FGFR2: variants seen among roughly 807,000 people sequenced by gnomAD.
FGFR2 encodes BEK fibroblast growth factor receptor.
A neutral mutation model predicts 95.9 loss-of-function variants in FGFR2; 19 were observed. The observed-to-expected ratio is 0.20, with a 90% CI of 0.14 to 0.29. The LOEUF is 0.29. Ranked by LOEUF, FGFR2 falls within the 10% of genes least tolerant of loss-of-function variation. The pLI is 1.00. For synonymous variants in FGFR2, 392 were observed against 393.3 expected, an observed-to-expected ratio of 1.00 and a Z score of 0.04; for missense variants, 707 against 1,056.9, an observed-to-expected ratio of 0.67 and a Z score of 4.59.
At chr10:121,514,613 A>C (rs2981454) in intron 9 of FGFR2, among the ~76,000 whole-genome samples, 139,354 of 152,260 alleles carry the variant, frequency 0.92, 65,079 homozygotes, top group East Asian at 1. Context: ...TTATTGTGCA[A>C]CAGTTTAAAT....
intron 2 of FGFR2, among the ~76,000 whole-genome samples, chr10:121,574,771 A>G (rs993106470): frequency 6.6e-6 from 1 of 152,178 alleles, no homozygotes; most frequent in Non-Finnish European, 1.5e-5. Flanking sequence ...GTGTTCTTTA[A>G]GGGGGCGAGG....
At chr10:121,597,213 G>A (rs1245970744) in intron 1 of FGFR2, among the ~76,000 whole-genome samples, 1 of 152,180 alleles carries the variant, frequency 6.6e-6, no homozygotes, top group Non-Finnish European at 1.5e-5. Context: ...CGCCACGCAG[G>A]GCCCTCGGCT....
intron 1 of FGFR2, among the ~76,000 whole-genome samples, chr10:121,594,754 G>A (rs182073879): frequency 9.2e-5 from 14 of 152,308 alleles, no homozygotes; most frequent in African/African-American, 3.1e-4. Context: ...TCTGTAGAAG[G>A]GTGAGGAAAC....
chr10:121,577,603 C>T (rs2912780), intron 2 of FGFR2, among the ~76,000 whole-genome samples: 79,512 of 151,894 alleles, frequency 0.52, 21,470 homozygotes, highest in South Asian at 0.6. Flanking sequence ...GAGGACTTCT[C>T]GCCTTTCTAG....
chr10:121,542,128 A>T (rs1853854538), intron 5 of FGFR2, among the ~76,000 whole-genome samples: 1 of 152,208 alleles, frequency 6.6e-6, no homozygotes, highest in Admixed American at 6.5e-5. Context: ...GGTATCATTA[A>T]ACAGTTATTG....
chr10:121,526,250 T>C (rs1851351407), intron 6 of FGFR2: 1 of 398,508 alleles, frequency 2.5e-6, no homozygotes, highest in African/African-American at 2.1e-5. Flanking sequence ...CAACTGAGAA[T>C]TCTTTTTCTA....
chr10:121,539,394 C>G (rs983781563), intron 5 of FGFR2, among the ~76,000 whole-genome samples: 8 of 152,188 alleles, frequency 5.3e-5, no homozygotes, highest in African/African-American at 1.9e-4. Context: ...TCCGTCCGTT[C>G]ACAAACTTCT....
rs1272513314 is a variant in FGFR2, at chr10:121,571,768, A to AC, written c.110-6065dup. Among the ~76,000 whole-genome samples the AC allele has an allele frequency of 8.7e-5, 13 of 150,132 alleles. No homozygotes were observed. In the East Asian group the frequency reaches 2.6e-3, roughly 30 times the overall value. On this transcript the variant is annotated intron_variant, in intron 2 of 17. Transcript: ENST00000358487. The stretch of plus-strand genomic sequence containing the variant: ...AGACCAGCCTGGCCAACATGGAGAA[A>AC]CCCCGTCTCTACTGAGAATGCAAAA...
rs1338059359 is a variant in FGFR2, at chr10:121,485,790, T to G, written c.2058-258A>C. On this transcript the variant is annotated intron_variant, in intron 15 of 17. Transcript: ENST00000358487. The surrounding 1 kb of genome is among the most constrained non-coding windows in gnomAD (Gnocchi z 4.2). ...TCACTCTGGAATAGAGCTGCTTGTC[T>G]TAAATGTGGTGTTAGCAATGCAAGG... 1.3e-5 allele frequency among the ~76,000 whole-genome samples: 2 copies of G among 152,206 alleles called. No individual in the cohort carries two copies. Among genetic ancestry groups the G allele is most frequent in the Non-Finnish European group, 2.9e-5 (2 of 68,034 alleles).
At chr10:121,488,540 C>A (rs1407880800) in intron 13 of FGFR2, among the ~76,000 whole-genome samples, 42 of 103,054 alleles carry the variant, frequency 4.1e-4, no homozygotes, top group South Asian at 1.8e-3. Flanking sequence ...GACTCTGTCT[C>A]AAAAAAAAAA....
chr10:121,554,989 C>CAT (rs761178904), intron 4 of FGFR2, among the ~76,000 whole-genome samples: 12 of 152,168 alleles, frequency 7.9e-5, no homozygotes, highest in Non-Finnish European at 1.8e-4. Flanking sequence ...AGAAGGAACT[C>CAT]ATGTACCAAA....
At position 121,517,043 on chromosome 10, in the gene FGFR2, G is replaced by A. The variant is rs938888877; in HGVS notation, c.1084+276C>T. On this transcript the variant is annotated intron_variant, in intron 8 of 17. Transcript: ENST00000358487. The surrounding 1 kb of genome is among the most constrained non-coding windows in gnomAD (Gnocchi z 4.7). ...TTGTTCCTTAAGAGAAAGGGGGATG[G>A]GCTAATTTATACATTGGCTCAATGA... Among the ~76,000 whole-genome samples, 4 of 152,098 alleles carry A rather than the reference G, an allele frequency of 2.6e-5. No individual in the cohort carries two copies. The highest frequency in any genetic ancestry group is 9.7e-5 in the African/African-American group (4 of 41,424).
chr10:121,581,955 CAG>C (rs1860997140), intron 2 of FGFR2, among the ~76,000 whole-genome samples: 2 of 138,248 alleles, frequency 1.4e-5, no homozygotes, highest in Admixed American at 1.4e-4. Flanking sequence ...ATTTTTGAGA[CAG>C]AGTCTCACCC....
At chr10:121,524,991 TCTC>T (rs1000404887) in intron 6 of FGFR2, among the ~76,000 whole-genome samples, 6 of 152,246 alleles carry the variant, frequency 3.9e-5, no homozygotes, top group African/African-American at 1.4e-4. Flanking sequence ...AATCACATCT[TCTC>T]CACCAGGAAG....
chr10:121,513,481 A>G (rs958953742), intron 9 of FGFR2, among the ~76,000 whole-genome samples: 3 of 152,198 alleles, frequency 2.0e-5, no homozygotes, highest in Admixed American at 1.3e-4. Context: ...ACAGTTGCAG[A>G]AAAAAAGATG....
chr10:121,556,109 G>C (rs1206595204), intron 4 of FGFR2, among the ~76,000 whole-genome samples: 1 of 151,452 alleles, frequency 6.6e-6, no homozygotes, highest in Non-Finnish European at 1.5e-5. Flanking sequence ...TTATTGGATG[G>C]ATGGATGGAT....
chr10:121,574,230 G>T (rs1276292965), intron 2 of FGFR2, among the ~76,000 whole-genome samples: 1 of 152,094 alleles, frequency 6.6e-6, no homozygotes, highest in Non-Finnish European at 1.5e-5. Flanking sequence ...TCAGCAGAAA[G>T]AAATAAAGGC....
intron 4 of FGFR2, among the ~76,000 whole-genome samples, chr10:121,559,512 A>G (rs1356988859): frequency 6.6e-6 from 1 of 152,210 alleles, no homozygotes; most frequent in Non-Finnish European, 1.5e-5. Flanking sequence ...TAATCACACT[A>G]ACAGATGGCA....
chr10:121,544,531 AT>A (rs1854232380), intron 5 of FGFR2, among the ~76,000 whole-genome samples: 1 of 152,166 alleles, frequency 6.6e-6, no homozygotes, highest in South Asian at 2.1e-4. Context: ...TCATGCTACA[AT>A]ATGGATGGAC....
Sources: gnomAD v4.1 joint callset for allele counts (sites outside exome capture counted in the v4.1 genomes callset) on GRCh38, gnomAD v4.1.1 for gene constraint, Gnocchi (gnomAD v3.1) non-coding constraint, MANE v1.5 for transcripts, NCBI Gene and HGNC (gene_info 2026-07-23, HGNC 2026-07-21) for gene names.